The following SIPA1L1 variants were observed in gnomAD, a reference collection of about 807,000 sequenced individuals.
SIPA1L1 encodes signal-induced proliferation-associated 1-like protein 1.
In SIPA1L1, 26 loss-of-function variants were observed where a neutral mutation model predicts 162.7. The observed-to-expected ratio is 0.16, with a 90% CI of 0.12 to 0.22. The LOEUF (loss-of-function observed/expected upper bound fraction) is 0.22, where lower values mean the gene tolerates loss of function less well. SIPA1L1 is among the 10% of genes least tolerant of loss of function. The pLI is 1.00. For synonymous variants in SIPA1L1, 829 were observed against 837.4 expected (o/e 0.99, Z 0.17); for missense variants, 1,874 against 2,241.0 (o/e 0.84, Z 3.31).
intron 4 of SIPA1L1, among the ~76,000 whole-genome samples, chr14:71,577,886 C>T (rs1596238086): frequency 6.6e-6 from 1 of 151,908 alleles, no homozygotes; most frequent in African/African-American, 2.4e-5. Flanking sequence ...CACACACCAC[C>T]ACGCCTGGCT....
chr14:71,597,409 A>T (rs995829176), intron 5 of SIPA1L1, among the ~76,000 whole-genome samples: 4 of 151,420 alleles, frequency 2.6e-5, no homozygotes, highest in African/African-American at 7.3e-5. Flanking sequence ...TGTATATTTT[A>T]CTTTTCTTAT....
intron 2 of SIPA1L1, among the ~76,000 whole-genome samples, chr14:71,384,547 A>ACTC (rs1333592063): frequency 6.6e-6 from 1 of 152,160 alleles, no homozygotes; most frequent in African/African-American, 2.4e-5. Flanking sequence ...GGCATAGAGA[A>ACTC]TCTCTCAAAA....
At position 71,540,189 on chromosome 14, in the gene SIPA1L1, A is replaced by G. The variant is rs546037735; in HGVS notation, c.-303+10819A>G. 2.6e-5 allele frequency among the ~76,000 whole-genome samples: 4 copies of G among 152,316 alleles called. No homozygotes were observed. In the South Asian group the frequency reaches 6.2e-4, roughly 24 times the overall value. The stretch of plus-strand genomic sequence containing the variant: ...CCCCTTGGAATTGTTTCAGAACACT[A>G]ATCACTTGCTGTCAGCAGCTAGTTC... On this transcript the variant is annotated intron_variant, in intron 4 of 23. Coordinates refer to ENST00000381232, the MANE Select transcript of SIPA1L1 (RefSeq NM_001386936.1).
Position 71,487,779 on chromosome 14 carries a change from C to A in SIPA1L1, c.-464-24964C>A, listed in dbSNP as rs937679816. On this transcript the variant is annotated intron_variant, in intron 2 of 23. Coordinates refer to ENST00000381232, the MANE Select transcript of SIPA1L1 (RefSeq NM_001386936.1). ...GCTGGACCTCATGCAGATACCAGGG[C>A]ATAATTGAGAGCTATAATTATTTGT... Among the ~76,000 whole-genome samples the A allele has an allele frequency of 2.6e-5, 4 of 152,142 alleles. No homozygotes were observed. The South Asian group carries it at 8.3e-4, about 32-fold the overall frequency.
chr14:71,593,131 G>A (rs1184547776), intron 5 of SIPA1L1, among the ~76,000 whole-genome samples: 1 of 152,116 alleles, frequency 6.6e-6, no homozygotes, highest in Non-Finnish European at 1.5e-5. Flanking sequence ...AGGCAGTAGG[G>A]CTGCATTCAG....
At chr14:71,393,115 C>G (rs561619124) in intron 2 of SIPA1L1, among the ~76,000 whole-genome samples, 1 of 152,280 alleles carries the variant, frequency 6.6e-6, no homozygotes, top group Non-Finnish European at 1.5e-5. Context: ...TCTTGACTCC[C>G]TTATTAAATA....
At chr14:71,662,607 A>G (rs533339430) in intron 10 of SIPA1L1, among the ~76,000 whole-genome samples, 135 of 152,310 alleles carry the variant, frequency 8.9e-4, no homozygotes, top group African/African-American at 2.9e-3. Flanking sequence ...CCACGCTGCT[A>G]TGCCGCCTCT....
chr14:71,540,024 G>A (rs1269443775), intron 4 of SIPA1L1, among the ~76,000 whole-genome samples: 1 of 152,200 alleles, frequency 6.6e-6, no homozygotes, highest in Non-Finnish European at 1.5e-5. Flanking sequence ...AAATGCTTCG[G>A]CACTGGCAGC....
chr14:71,464,671 C>T (rs1250350019), intron 2 of SIPA1L1, among the ~76,000 whole-genome samples: 1 of 151,774 alleles, frequency 6.6e-6, no homozygotes, highest in East Asian at 1.9e-4. Flanking sequence ...ACAAAAAAAA[C>T]AAACAGAGTC....
intron 2 of SIPA1L1, among the ~76,000 whole-genome samples, chr14:71,348,390 A>G (rs1240225812): frequency 6.6e-6 from 1 of 152,196 alleles, no homozygotes; most frequent in African/African-American, 2.4e-5. Context: ...TACCTGGTTT[A>G]TCTTGCCTAA....
At chr14:71,727,930 C>T (rs1008320669) in intron 19 of SIPA1L1, among the ~76,000 whole-genome samples, 1 of 152,188 alleles carries the variant, frequency 6.6e-6, no homozygotes, top group Non-Finnish European at 1.5e-5. Flanking sequence ...TGCCTCCCTT[C>T]ACTGCAGGGT....
At chr14:71,502,242 G>GAAA (rs139102210) in intron 2 of SIPA1L1, among the ~76,000 whole-genome samples, 87 of 108,320 alleles carry the variant, frequency 8.0e-4, no homozygotes, top group African/African-American at 1.3e-3. Context: ...TGAGATACTT[G>GAAA]AAAAAAAAAA....
chr14:71,562,560 A>G (rs2146653577), intron 4 of SIPA1L1, among the ~76,000 whole-genome samples: 1 of 152,350 alleles, frequency 6.6e-6, no homozygotes, highest in East Asian at 1.9e-4. Flanking sequence ...TTAATAGAAT[A>G]GCTTTTTCAG....
chr14:71,704,369 G>T (rs2082295475), intron 15 of SIPA1L1, among the ~76,000 whole-genome samples: 1 of 152,292 alleles, frequency 6.6e-6, no homozygotes, highest in Non-Finnish European at 1.5e-5. Flanking sequence ...TGTTTACGAG[G>T]TTCTTATTGG....
At chr14:71,563,308 CG>C (rs2056938568) in intron 4 of SIPA1L1, among the ~76,000 whole-genome samples, 3 of 148,922 alleles carry the variant, frequency 2.0e-5, no homozygotes, top group Non-Finnish European at 3.0e-5. Context: ...AGTACCTCCT[CG>C]TTTTTTTTTT....
intron 19 of SIPA1L1, among the ~76,000 whole-genome samples, chr14:71,729,128 C>T (rs749267807): frequency 6.6e-6 from 1 of 152,146 alleles, no homozygotes; most frequent in Non-Finnish European, 1.5e-5. Flanking sequence ...CTCTGCCTCC[C>T]AGGTTCAAGC....
chr14:71,657,833 G>C (rs920295476), intron 8 of SIPA1L1, among the ~76,000 whole-genome samples: 1 of 152,008 alleles, frequency 6.6e-6, no homozygotes, highest in Admixed American at 6.6e-5. Context: ...TTGAAATTTA[G>C]CATTTCTGTT....
At chr14:71,690,309 G>A (rs955740610) in intron 13 of SIPA1L1, among the ~76,000 whole-genome samples, 1 of 151,710 alleles carries the variant, frequency 6.6e-6, no homozygotes, top group East Asian at 1.9e-4. Flanking sequence ...ATTGATCTTA[G>A]CTCACTGTAA....
chr14:71,674,480 CT>C (rs1291944508), intron 12 of SIPA1L1, among the ~76,000 whole-genome samples: 2 of 151,126 alleles, frequency 1.3e-5, no homozygotes, highest in Admixed American at 6.6e-5. Context: ...GAAAAAAGCA[CT>C]TTTTTATGGG....
Sources: gnomAD v4.1 joint callset for allele counts (sites outside exome capture counted in the v4.1 genomes callset) on GRCh38, gnomAD v4.1.1 for gene constraint, MANE v1.5 for transcripts, NCBI Gene and HGNC (gene_info 2026-07-23, HGNC 2026-07-21) for gene names.